OR51B5: variants seen among roughly 807,000 people sequenced by gnomAD.
OR51B5 encodes olfactory receptor 51B5.
For missense variants in OR51B5, 456 were observed against 374.6 expected (o/e 1.22, Z -1.79); for synonymous variants, 186 against 144.8 (o/e 1.28, Z -2.04).
intron 1 of OR51B5, among the ~76,000 whole-genome samples, chr11:5,401,837 C>T (rs576995999): frequency 1.1e-5 from 1 of 92,678 alleles, no homozygotes; most frequent in East Asian, 2.3e-4. Flanking sequence ...TCATTCCTTC[C>T]TTCCCTCTTT....
intron 1 of OR51B5, among the ~76,000 whole-genome samples, chr11:5,395,366 G>A (rs1849851944): frequency 6.6e-6 from 1 of 152,180 alleles, no homozygotes; most frequent in Non-Finnish European, 1.5e-5. Context: ...CCTTTGTTTT[G>A]TGGATAAAGG....
intron 1 of OR51B5, among the ~76,000 whole-genome samples, chr11:5,451,794 T>A (rs1039526093): frequency 6.6e-6 from 1 of 152,170 alleles, no homozygotes; most frequent in Non-Finnish European, 1.5e-5. Context: ...AAAACAGCGG[T>A]ATGTAATTCT....
At chr11:5,342,932 GCTGGGTACA>G in exon 1 of OR51B5, 3 of 1,613,918 alleles carry the variant, frequency 1.9e-6, no homozygotes, top group Non-Finnish European at 2.5e-6. Context: ...TACAAGCACA[GCTGGGTACA>G]GTCGGTTGAA....
At chr11:5,415,286 G>A (rs1474568663) in intron 1 of OR51B5, among the ~76,000 whole-genome samples, 1 of 150,218 alleles carries the variant, frequency 6.7e-6, no homozygotes, top group Non-Finnish European at 1.5e-5. Context: ...GTGTGTAGAG[G>A]GAAATTTATA....
intron 1 of OR51B5, chr11:5,440,553 G>A (rs1850662386): frequency 6.3e-7 from 1 of 1,584,398 alleles, no homozygotes; most frequent in Non-Finnish European, 8.7e-7. Flanking sequence ...AGGAGCTTTT[G>A]GGGCCTTCAG....
chr11:5,370,780 C>T (rs560101311), intron 1 of OR51B5, among the ~76,000 whole-genome samples: 3 of 152,046 alleles, frequency 2.0e-5, no homozygotes, highest in Non-Finnish European at 4.4e-5. Context: ...CCTCATATAG[C>T]TGCTATGAAA....
upstream of OR51B5, chr11:5,345,762 G>T (rs1436877502): frequency 6.6e-6 from 1 of 151,796 alleles, no homozygotes; most frequent in East Asian, 1.9e-4. Flanking sequence ...CAAAGGAAAC[G>T]ATCCTCTTAC....
intron 1 of OR51B5, chr11:5,441,626 C>T: frequency 1.3e-6 from 1 of 783,832 alleles, no homozygotes; most frequent in Non-Finnish European, 2.0e-6. Context: ...AAATGATTGC[C>T]TGTATTCCTG....
rs751680457 is a variant in OR51B5, at chr11:5,440,938, C to T, written n.84+64631G>A. 11 of 1,613,782 alleles carry T rather than the reference C, an allele frequency of 6.8e-6. No homozygotes were observed. The Admixed American group carries it at 1.5e-4, about 22-fold the overall frequency. On this transcript the variant is annotated intron_variant and non_coding_transcript_variant, in intron 1 of 4. Transcript: ENST00000415970. ...CCATAAATGTTGTTAACATGGATGT[C>T]TCCACATGCTACTTTCATGAGATCT...
chr11:5,453,933 G>C, intron 1 of OR51B5: 3 of 1,614,176 alleles, frequency 1.9e-6, no homozygotes, highest in Non-Finnish European at 2.5e-6. Context: ...TTTAGGTGCA[G>C]CTGCTCGAAG....
At chr11:5,430,095 AC>A (rs1188501697) in intron 1 of OR51B5, among the ~76,000 whole-genome samples, 2 of 152,188 alleles carry the variant, frequency 1.3e-5, no homozygotes, top group Non-Finnish European at 2.9e-5. Flanking sequence ...TTGATCAAGA[AC>A]ATTTTTGAGA....
chr11:5,483,160 T>C (rs11037719), intron 1 of OR51B5, among the ~76,000 whole-genome samples: 52,437 of 148,110 alleles, frequency 0.35, 10,225 homozygotes, highest in East Asian at 0.55. Flanking sequence ...ATATACACCA[T>C]GGAATACTAT....
intron 1 of OR51B5, among the ~76,000 whole-genome samples, chr11:5,360,940 T>C (rs1475771514): frequency 6.8e-6 from 1 of 146,182 alleles, no homozygotes; most frequent in Non-Finnish European, 1.5e-5. Flanking sequence ...AATTGAACAA[T>C]GAGAACACAT....
At chr11:5,392,132 T>A (rs1323118029) in intron 1 of OR51B5, 1 of 152,170 alleles carries the variant, frequency 6.6e-6, no homozygotes, top group Admixed American at 6.5e-5. Context: ...AAAATATGTA[T>A]GTATGTTTGT....
At chr11:5,406,204 T>A (rs1391611) in intron 1 of OR51B5, among the ~76,000 whole-genome samples, 127,586 of 152,190 alleles carry the variant, frequency 0.84, 53,969 homozygotes, top group Non-Finnish European at 0.89. Context: ...AGTAAATGTA[T>A]GGCCATTGGA....
At chr11:5,429,493 C>G (rs563857477) in intron 1 of OR51B5, among the ~76,000 whole-genome samples, 1 of 152,136 alleles carries the variant, frequency 6.6e-6, no homozygotes, top group Non-Finnish European at 1.5e-5. Flanking sequence ...TGCGAATGAT[C>G]AGTGACACTA....
At chr11:5,340,403 G>A (rs1056144172), downstream of OR51B5, 1 of 151,074 alleles carries the variant, frequency 6.6e-6, no homozygotes, top group South Asian at 2.1e-4. Context: ...GAAGTCACTT[G>A]CCTGATGAAA....
At chr11:5,344,027 G>C (rs1734737949), upstream of OR51B5, among the ~76,000 whole-genome samples, 2 of 152,172 alleles carry the variant, frequency 1.3e-5, no homozygotes, top group South Asian at 4.1e-4. Context: ...AACAGCCTAA[G>C]AAAGAAAAGT....
At chr11:5,397,807 T>C (rs1443260236) in intron 1 of OR51B5, among the ~76,000 whole-genome samples, 46 of 151,072 alleles carry the variant, frequency 3.0e-4, no homozygotes, top group African/African-American at 1.1e-3. Context: ...AACCCAAATG[T>C]CCAACAATGA....
Sources: gnomAD v4.1 joint callset for allele counts (sites outside exome capture counted in the v4.1 genomes callset) on GRCh38, gnomAD v4.1.1 for gene constraint, MANE v1.5 for transcripts, NCBI Gene and HGNC (gene_info 2026-07-23, HGNC 2026-07-21) for gene names.